Variants in RSRC1 observed in about 807,000 individuals in gnomAD.
RSRC1 encodes arginine and serine rich coiled-coil 1.
RSRC1 carries 39 observed loss-of-function variants against 49.1 expected under a neutral mutation model. That is an observed-to-expected ratio of 0.79 (90% CI 0.61 to 1.04). The LOEUF is 1.04. RSRC1 is among the 50% of genes least tolerant of loss of function. The pLI, the probability that RSRC1 is intolerant of heterozygous loss-of-function variation, is 0.00. For missense variants in RSRC1, 388 were observed against 402.4 expected (o/e 0.96, Z 0.31); for synonymous variants, 143 against 130.8 (o/e 1.09, Z -0.63).
chr3:158,526,130 A>G (rs1712008168), intron 7 of RSRC1, among the ~76,000 whole-genome samples: 1 of 151,986 alleles, frequency 6.6e-6, no homozygotes, highest in Non-Finnish European at 1.5e-5. Context: ...CATTATTGAT[A>G]TAGCAAAATA....
chr3:158,122,234 T>C lies in RSRC1; in HGVS notation c.130T>C (p.Ser44Pro). 6.2e-7 allele frequency: 1 copy of C among 1,605,620 alleles called. No homozygotes were observed. Among genetic ancestry groups the C allele is most frequent in the Non-Finnish European group, 8.5e-7 (1 of 1,175,322 alleles). ...TYSRKKGGRK[S>P]RSKSRSWSRD... is the part of the protein sequence containing the mutation. ...CAGCCGAAAGAAAGGAGGAAGGAAA[T>C]CAAGATCAAAGTCAAGATCTTGGTC... is the stretch of plus-strand genomic sequence containing the variant. The change falls in exon 2 of 10, where the codon TCA becomes CCA. Residue 44 changes from serine to proline, a missense_variant. Coordinates refer to ENST00000611884, the MANE Select transcript of RSRC1 (RefSeq NM_001271838.2).
chr3:158,172,713 G>C (rs560015830), intron 3 of RSRC1, among the ~76,000 whole-genome samples: 1 of 152,076 alleles, frequency 6.6e-6, no homozygotes, highest in Non-Finnish European at 1.5e-5. Context: ...CATCTTTTAG[G>C]ATGTTTACTT....
Position 158,354,852 on chromosome 3 carries a change from T to C in RSRC1, c.532-5T>C. The C allele has an allele frequency of 6.5e-7, 1 of 1,549,794 alleles. No individual in the cohort carries two copies. Among genetic ancestry groups the C allele is most frequent in the Non-Finnish European group, 8.7e-7 (1 of 1,149,292 alleles). ...TGGTTGAATTTTTTTTTTTTTCTTT[T>C]TTAGCCACCAGCTGAACAGGCCAAA... is the stretch of plus-strand genomic sequence containing the variant. On this transcript the variant is annotated splice_region_variant and splice_polypyrimidine_tract_variant and intron_variant, in intron 5 of 9. Transcript: ENST00000611884.
At chr3:158,440,221 A>C (rs546169591) in intron 6 of RSRC1, among the ~76,000 whole-genome samples, 2 of 152,052 alleles carry the variant, frequency 1.3e-5, no homozygotes, top group Admixed American at 1.3e-4. Context: ...AAAGGATATG[A>C]GATGAAGTGG....
intron 7 of RSRC1, among the ~76,000 whole-genome samples, chr3:158,466,516 T>G (rs1737897889): frequency 1.3e-5 from 2 of 152,206 alleles, no homozygotes; most frequent in Non-Finnish European, 2.9e-5. Context: ...ACATATTGAA[T>G]GCCCACAGGT....
chr3:158,515,603 C>G (rs1026610928), intron 7 of RSRC1, among the ~76,000 whole-genome samples: 2 of 134,446 alleles, frequency 1.5e-5, no homozygotes, highest in Non-Finnish European at 3.2e-5. Context: ...CGAGGATTAT[C>G]TTTGTGGCGT....
intron 7 of RSRC1, among the ~76,000 whole-genome samples, chr3:158,467,470 C>T (rs912056795): frequency 1.3e-5 from 2 of 152,084 alleles, no homozygotes; most frequent in East Asian, 1.9e-4. Context: ...TTACATAGTG[C>T]GTATGAAACC....
intron 1 of RSRC1, among the ~76,000 whole-genome samples, chr3:158,119,854 A>T (rs9883891): frequency 1.5e-4 from 21 of 138,600 alleles, no homozygotes; most frequent in South Asian, 7.0e-4. Flanking sequence ...TTTTTGAGAT[A>T]GAGTCTCGCT....
At chr3:158,125,875 T>C (rs1436361533) in intron 3 of RSRC1, among the ~76,000 whole-genome samples, 3 of 152,300 alleles carry the variant, frequency 2.0e-5, no homozygotes, top group African/African-American at 7.2e-5. Context: ...CTTTATATAT[T>C]TGAGTGCTCT....
intron 4 of RSRC1, among the ~76,000 whole-genome samples, chr3:158,235,599 A>C (rs1723195330): frequency 6.6e-6 from 1 of 152,126 alleles, no homozygotes; most frequent in East Asian, 1.9e-4. Context: ...TATATTTTAA[A>C]CTGAAACTTA....
chr3:158,523,342 T>C (rs1332362450), intron 7 of RSRC1, among the ~76,000 whole-genome samples: 1 of 152,022 alleles, frequency 6.6e-6, no homozygotes, highest in Non-Finnish European at 1.5e-5. Flanking sequence ...ATTAAAGCAA[T>C]TTTTAAAAAG....
At chr3:158,489,318 A>T (rs1422471620) in intron 7 of RSRC1, among the ~76,000 whole-genome samples, 3 of 152,214 alleles carry the variant, frequency 2.0e-5, no homozygotes, top group Non-Finnish European at 4.4e-5. Context: ...AACCAAATGC[A>T]AGCAGGTTCT....
intron 3 of RSRC1, among the ~76,000 whole-genome samples, chr3:158,162,792 T>C (rs1211502107): frequency 1.3e-5 from 2 of 152,166 alleles, no homozygotes; most frequent in Non-Finnish European, 2.9e-5. Context: ...GTTCATTGAC[T>C]TTGTTTCTTT....
At chr3:158,482,057 TTAATA>T (rs1319700032) in intron 7 of RSRC1, among the ~76,000 whole-genome samples, 1 of 152,054 alleles carries the variant, frequency 6.6e-6, no homozygotes, top group African/African-American at 2.4e-5. Flanking sequence ...GAAAGGCAGT[TTAATA>T]AAGTCATTAA....
chr3:158,530,654 A>C (rs1048601002), intron 7 of RSRC1, among the ~76,000 whole-genome samples: 1 of 151,712 alleles, frequency 6.6e-6, no homozygotes, highest in African/African-American at 2.4e-5. Context: ...CAACCACCCT[A>C]TGATGTTTAG....
chr3:158,167,070 T>C (rs954110087), intron 3 of RSRC1, among the ~76,000 whole-genome samples: 1 of 152,208 alleles, frequency 6.6e-6, no homozygotes, highest in African/African-American at 2.4e-5. Context: ...ATTCTGTACA[T>C]CTATCAAGTT....
intron 3 of RSRC1, among the ~76,000 whole-genome samples, chr3:158,199,788 G>T (rs1413638172): frequency 1.3e-5 from 2 of 151,950 alleles, no homozygotes; most frequent in Non-Finnish European, 2.9e-5. Context: ...ATTTAAAAGT[G>T]GATTATTTGG....
chr3:158,426,317 A>C (rs1461771544), intron 6 of RSRC1, among the ~76,000 whole-genome samples: 1 of 151,708 alleles, frequency 6.6e-6, no homozygotes, highest in African/African-American at 2.4e-5. Context: ...TAACTGACAA[A>C]ATATTAATAT....
intron 7 of RSRC1, among the ~76,000 whole-genome samples, chr3:158,507,698 TA>T (rs1424939391): frequency 6.6e-6 from 1 of 152,144 alleles, no homozygotes; most frequent in Non-Finnish European, 1.5e-5. Context: ...CTCTATTGTT[TA>T]AAAAAATACA....
Sources: allele counts gnomAD v4.1 joint callset (sites outside exome capture counted in the v4.1 genomes callset), GRCh38; gene constraint gnomAD v4.1.1; transcripts MANE v1.5; gene names NCBI Gene and HGNC (gene_info 2026-07-23, HGNC 2026-07-21).